ZFYVE26: variants seen among roughly 807,000 people sequenced by gnomAD.
ZFYVE26 encodes the protein zinc finger FYVE domain-containing protein 26.
Under a neutral mutation model 276.5 loss-of-function variants are expected in ZFYVE26, and 181 were observed. That is an observed-to-expected ratio of 0.65 (90% CI 0.58 to 0.74). ZFYVE26 has a LOEUF of 0.74. Among genes scored for constraint, ZFYVE26 ranks in the 30% least tolerant of loss-of-function variants. The probability of loss-of-function intolerance (pLI) is 0.00; values close to 1 mark genes in which losing one functional copy is unlikely to be tolerated. For synonymous variants in ZFYVE26, 1,129 were observed against 1,203.1 expected, an observed-to-expected ratio of 0.94 and a Z score of 1.27; for missense variants, 2,821 against 3,097.9, an observed-to-expected ratio of 0.91 and a Z score of 2.12.
chr14:67,812,502 G>T (rs1356631647), intron 3 of ZFYVE26, among the ~76,000 whole-genome samples: 1 of 152,164 alleles, frequency 6.6e-6, no homozygotes, highest in East Asian at 1.9e-4. Flanking sequence ...GATAATGACT[G>T]GACTTGGAAA....
chr14:67,799,138 C>CT lies in ZFYVE26; in HGVS notation c.1640-517dup. ...ACTAGGAGGCGTACTGGCGGCTACT[C>CT]TTTAAAAAGATATCTTTAGAGGACA... On this transcript the variant is annotated intron_variant, in intron 10 of 41. Transcript: ENST00000347230. 6 of 1,504,634 alleles carry CT rather than the reference C, an allele frequency of 4.0e-6. No homozygotes were observed. The East Asian group carries it at 1.4e-4, about 34-fold the overall frequency. The allele number at this position is 1,504,634 out of a possible 1,614,324, so 93.2% of individuals were successfully genotyped here. A position where few individuals can be genotyped will look rare whatever the true frequency, so the allele number is the denominator to read the frequency against.
rs1258461986 is a variant in ZFYVE26 at position 67,785,929 on chromosome 14, G to T, written c.3233C>A (p.Ala1078Asp). ...CTGCTGGGAGAGGGTGGTGTGGCTG[G>T]CAACACAGTCCTCGCTTAGGCTGGG... is the stretch of plus-strand genomic sequence containing the variant. ...CWPSLSEDCV[A>D]SHTTLSQQLD... The change falls in exon 18 of 42, where the codon GCC becomes GAC. Residue 1078 changes from alanine to aspartate, a missense_variant. By Grantham distance (126) the Ala-to-Asp change is moderately radical. Coordinates refer to ENST00000347230, the MANE Select transcript of ZFYVE26 (RefSeq NM_015346.4). The T allele has an allele frequency of 1.2e-6, 2 of 1,614,178 alleles. No homozygotes were observed. The highest frequency in any genetic ancestry group is 2.2e-5 in the South Asian group (2 of 91,084).
intron 31 of ZFYVE26, among the ~76,000 whole-genome samples, chr14:67,766,888 A>C (rs1566871571): frequency 6.6e-6 from 1 of 151,762 alleles, no homozygotes; most frequent in South Asian, 2.1e-4. Context: ...TTTTTTGTAG[A>C]GACGGGGATT....
At position 67,746,696 on chromosome 14, in the gene ZFYVE26, G is replaced by T. The variant is rs9449; in HGVS notation, c.*1740C>A. 0.18 allele frequency: 28,141 copies of T among 152,474 alleles called. 3,128 individuals are homozygous for T. Among genetic ancestry groups the T allele is most frequent in the East Asian group, 0.5 (2,585 of 5,160 alleles). The allele number at this position is 152,474 out of a possible 1,614,324, so 9.4% of individuals were successfully genotyped here. A position where few individuals can be genotyped will look rare whatever the true frequency, so the allele number is the denominator to read the frequency against. Reference sequence around the variant, plus strand: ...GTTGCCTATAATTTGATAGTTCAATGAGTTAGAGGAAAATGTCAGGAAAAT... The same window carrying T: ...GTTGCCTATAATTTGATAGTTCAATTAGTTAGAGGAAAATGTCAGGAAAAT... On this transcript the variant is annotated 3_prime_UTR_variant, in exon 42 of 42. Transcript: ENST00000347230.
In ZFYVE26 at chr14:67,752,221, G is replaced by T. The variant is rs1185608237; in HGVS notation, c.7371+123C>A. On this transcript the variant is annotated intron_variant, in intron 40 of 41. Transcript: ENST00000347230. ...ATGGTGAGGCCATTATTGCAGAGGG[G>T]TTCAGAATGATAAAAGGATCTTGTA... is the stretch of plus-strand genomic sequence containing the variant. 2.3e-6 allele frequency: 3 copies of T among 1,296,524 alleles called. No individual in the cohort carries two copies. The Admixed American group carries it at 5.9e-5, about 26-fold the overall frequency. The allele number at this position is 1,296,524 out of a possible 1,614,324, so 80.3% of individuals were successfully genotyped here.
chr14:67,780,130 T>C (rs2039457701), intron 23 of ZFYVE26, 111 bp downstream of exon 23: 1 of 1,066,732 alleles, frequency 9.4e-7, no homozygotes. Flanking sequence ...GTGGTATAGT[T>C]ATTTTTTTAA....
intron 16 of ZFYVE26, among the ~76,000 whole-genome samples, chr14:67,788,129 G>A (rs577183568): frequency 4.0e-4 from 60 of 151,762 alleles, no homozygotes; most frequent in Middle Eastern, 3.4e-3. Context: ...GGTGGCTCAC[G>A]CCTATAATCC....
intron 4 of ZFYVE26, 59 bp downstream of exon 4, chr14:67,809,141 A>G (rs2040241352): frequency 6.9e-7 from 1 of 1,448,900 alleles, no homozygotes; most frequent in Admixed American, 1.7e-5. Context: ...GGTCCATGGA[A>G]GCTAAGCTGC....
intron 10 of ZFYVE26, chr14:67,799,190 G>T (rs1190383462): frequency 3.7e-6 from 6 of 1,601,126 alleles, no homozygotes; most frequent in Non-Finnish European, 5.1e-6. Flanking sequence ...GACATACAAA[G>T]GTTCAGAAGA....
Position 67,790,811 on chromosome 14 carries a change from C to T in ZFYVE26, c.2554-38G>A, listed in dbSNP as rs778235730. 8 of 1,590,600 alleles carry T rather than the reference C, an allele frequency of 5.0e-6. No homozygotes were observed. In the African/African-American group the frequency reaches 6.7e-5, roughly 13 times the overall value. Reference sequence around the variant, plus strand: ...AGGGAGTGTGTGGGCCCTGGTGGTCCCACTGATTTAGGGAATGTCCATGGA... The same window carrying T: ...AGGGAGTGTGTGGGCCCTGGTGGTCTCACTGATTTAGGGAATGTCCATGGA... On this transcript the variant is annotated intron_variant, in intron 14 of 41. Coordinates refer to ENST00000347230, the MANE Select transcript of ZFYVE26 (RefSeq NM_015346.4).
chr14:67,771,533 C>T (rs750483536), intron 28 of ZFYVE26, among the ~76,000 whole-genome samples: 5 of 152,216 alleles, frequency 3.3e-5, no homozygotes, highest in East Asian at 1.9e-4. Flanking sequence ...GCAGGTACTG[C>T]GTTAAGTATG....
chr14:67,795,906 T>C (rs890441368), intron 12 of ZFYVE26, among the ~76,000 whole-genome samples: 2 of 152,074 alleles, frequency 1.3e-5, no homozygotes, highest in Non-Finnish European at 2.9e-5. Flanking sequence ...AAACAGTCAA[T>C]AAATATGTGA....
intron 32 of ZFYVE26, 24 bp downstream of exon 32, chr14:67,766,200 AAAG>A (rs1566870912): frequency 1.2e-6 from 2 of 1,610,606 alleles, no homozygotes; most frequent in Admixed American, 3.3e-5. Context: ...CTCCTGTGTA[AAAG>A]AATAGAGACC....
At chr14:67,766,179 G>A (rs1394333498) in intron 32 of ZFYVE26, 48 bp downstream of exon 32, 1 of 1,578,266 alleles carries the variant, frequency 6.3e-7, no homozygotes, top group Non-Finnish European at 8.7e-7. Flanking sequence ...AAAGAAGCTG[G>A]CTAGAAACTG....
At chr14:67,784,948 GT>G in intron 19 of ZFYVE26, 110 bp downstream of exon 19, 1 of 1,124,228 alleles carries the variant, frequency 8.9e-7, no homozygotes, top group East Asian at 2.4e-5. Context: ...TAAATCTAGT[GT>G]TCTTGGCTAC....
intron 6 of ZFYVE26, among the ~76,000 whole-genome samples, chr14:67,806,002 G>A (rs1199813660): frequency 6.6e-6 from 1 of 152,218 alleles, no homozygotes; most frequent in Non-Finnish European, 1.5e-5. Flanking sequence ...ACTCCAGCCT[G>A]GGTGACGAGG....
At chr14:67,787,446 T>C (rs547120224) in intron 16 of ZFYVE26, among the ~76,000 whole-genome samples, 87 of 152,312 alleles carry the variant, frequency 5.7e-4, no homozygotes, top group African/African-American at 2.0e-3. Flanking sequence ...AATTGCACAT[T>C]TAACAATAAC....
chr14:67,742,842 T>TTTA (rs1566856411), downstream of ZFYVE26, among the ~76,000 whole-genome samples: 2 of 69,044 alleles, frequency 2.9e-5, no homozygotes, highest in Non-Finnish European at 5.9e-5. Flanking sequence ...CTTCTTCTTT[T>TTTA]TTTTTTTTTT....
chr14:67,784,284 A>G (rs1295666156), intron 20 of ZFYVE26, 50 bp downstream of exon 20: 28 of 1,505,040 alleles, frequency 1.9e-5, no homozygotes, highest in Non-Finnish European at 2.6e-5. Context: ...GGCTATATTG[A>G]TGAAATCATC....
Sources: gnomAD v4.1 joint callset for allele counts (sites outside exome capture counted in the v4.1 genomes callset) on GRCh38, gnomAD v4.1.1 for gene constraint, MANE v1.5 for transcripts, NCBI Gene and HGNC (gene_info 2026-07-23, HGNC 2026-07-21) for gene names.